The following HMGCL variants were observed in gnomAD, a reference collection of about 807,000 sequenced individuals.
HMGCL encodes the protein hydroxymethylglutaryl-CoA lyase, mitochondrial.
Under a neutral mutation model 37.3 loss-of-function variants are expected in HMGCL, and 26 were observed. The ratio of observed to expected loss-of-function variants is 0.70; its 90% CI spans 0.51 to 0.97. The LOEUF (loss-of-function observed/expected upper bound fraction) is 0.97. HMGCL is among the 50% of genes least tolerant of loss of function. The pLI is 0.00. For missense variants in HMGCL, 379 were observed against 398.1 expected, an observed-to-expected ratio of 0.95 and a Z score of 0.41; for synonymous variants, 151 against 148.0, an observed-to-expected ratio of 1.02 and a Z score of -0.15.
chr1:23,815,023 C>T (rs564613028), intron 4 of HMGCL, among the ~76,000 whole-genome samples: 1 of 151,938 alleles, frequency 6.6e-6, no homozygotes, highest in African/African-American at 2.4e-5. Flanking sequence ...CTGGCTAACA[C>T]AGTGAAACCC....
intron 6 of HMGCL, chr1:23,810,152 C>T (rs556651786): frequency 6.1e-6 from 1 of 163,784 alleles, no homozygotes; most frequent in Non-Finnish European, 1.4e-5. Context: ...CTGGATGCCA[C>T]AAAGTATCCT....
rs981741806 is a variant in HMGCL at position 23,806,859 on chromosome 1, A to G, written c.750+1276T>C. On this transcript the variant is annotated intron_variant, in intron 7 of 8. Transcript: ENST00000374490. This position sits in a 1 kb window ranked among gnomAD's most constrained non-coding sequence, Gnocchi z 4.0. Reference sequence around the variant, plus strand: ...ACAATGTGCTATTTACACGCCTGTAATCTTCCATCTGTCTTCCCCACCCAC... The same window carrying G: ...ACAATGTGCTATTTACACGCCTGTAGTCTTCCATCTGTCTTCCCCACCCAC... The G allele has an allele frequency of 4.4e-6, 2 of 451,156 alleles. No homozygotes were observed. Among genetic ancestry groups the G allele is most frequent in the Non-Finnish European group, 8.8e-6 (2 of 225,994 alleles). The allele number at this position is 451,156 out of a possible 1,614,324, so 27.9% of individuals were successfully genotyped here.
chr1:23,814,044 C>A, intron 5 of HMGCL, 146 bp downstream of exon 5: 1 of 881,340 alleles, frequency 1.1e-6, no homozygotes, highest in South Asian at 1.4e-5. Flanking sequence ...TCTGACCACA[C>A]TTATTTGGGA....
At chr1:23,820,071 C>T (rs1638684655) in intron 2 of HMGCL, among the ~76,000 whole-genome samples, 1 of 152,192 alleles carries the variant, frequency 6.6e-6, no homozygotes, top group Non-Finnish European at 1.5e-5. Context: ...TACATTTGGC[C>T]TTCGTGACTT....
chr1:23,824,770 C>A (rs750989686), intron 1 of HMGCL, among the ~76,000 whole-genome samples: 13 of 152,232 alleles, frequency 8.5e-5, no homozygotes, highest in Non-Finnish European at 1.8e-4. Flanking sequence ...TATTGGGACA[C>A]CCTAGCTTCA....
chr1:23,824,593 C>T (rs1638782029), intron 1 of HMGCL, among the ~76,000 whole-genome samples: 1 of 152,106 alleles, frequency 6.6e-6, no homozygotes, highest in Non-Finnish European at 1.5e-5. Context: ...AAAATACCAC[C>T]ACCGACTGAT....
intron 7 of HMGCL, among the ~76,000 whole-genome samples, chr1:23,805,763 C>T (rs1164944095): frequency 6.6e-6 from 1 of 152,152 alleles, no homozygotes; most frequent in Non-Finnish European, 1.5e-5. Context: ...TTAACTGCAC[C>T]CAGGTTAACA....
chr1:23,821,311 C>G (rs954333232), intron 1 of HMGCL, among the ~76,000 whole-genome samples: 4 of 150,832 alleles, frequency 2.7e-5, no homozygotes, highest in East Asian at 1.9e-4. Context: ...GAGCCAAGAT[C>G]GTGCCACTGT....
At chr1:23,813,095 G>A (rs1035174351) in intron 5 of HMGCL, among the ~76,000 whole-genome samples, 1 of 151,886 alleles carries the variant, frequency 6.6e-6, no homozygotes. Context: ...TCCCCATGTT[G>A]GCCAGGCTGG....
chr1:23,816,329 G>A, intron 4 of HMGCL: 2 of 353,242 alleles, frequency 5.7e-6, no homozygotes, highest in South Asian at 2.4e-5. Context: ...TGAAACTCTT[G>A]TGGAGAGTTT....
chr1:23,807,035 T>G (rs767364339), intron 7 of HMGCL: 1 of 518,886 alleles, frequency 1.9e-6, no homozygotes, highest in African/African-American at 1.9e-5. Context: ...CAGCTCAACC[T>G]GTTCCCTGAT....
At position 23,802,342 on chromosome 1, in the gene HMGCL, G is replaced by A; in HGVS notation, c.*121C>T. On this transcript the variant is annotated 3_prime_UTR_variant, in exon 9 of 9. Coordinates refer to ENST00000374490, the MANE Select transcript of HMGCL (RefSeq NM_000191.3). ...TTCTGCCAGGAGAGACCTCTGTGTA[G>A]AGCTGGCTATGAGGTACCTGCACCA... 1 of 773,756 alleles carries A rather than the reference G, an allele frequency of 1.3e-6. No individual in the cohort carries two copies. Among genetic ancestry groups the A allele is most frequent in the Non-Finnish European group, 2.3e-6 (1 of 430,206 alleles). The allele number at this position is 773,756 out of a possible 1,614,324, so 47.9% of individuals were successfully genotyped here. A position where few individuals can be genotyped will look rare whatever the true frequency, so the allele number is the denominator to read the frequency against.
chr1:23,808,060 G>T, intron 7 of HMGCL, 75 bp downstream of exon 7: 1 of 1,361,962 alleles, frequency 7.3e-7, no homozygotes, highest in Non-Finnish European at 1.0e-6. Flanking sequence ...GTAAATGTTT[G>T]CTGAAAGAAT....
chr1:23,815,581 C>T (rs556939024), intron 4 of HMGCL, among the ~76,000 whole-genome samples: 31 of 151,874 alleles, frequency 2.0e-4, no homozygotes, highest in African/African-American at 5.8e-4. Flanking sequence ...CTGCAACCTC[C>T]GCCTTCCGGG....
Position 23,808,129 on chromosome 1 carries a change from G to A in HMGCL, c.750+6C>T, listed in dbSNP as rs775543942. ...TTTGGGAGAATGGGCATATGCTTTT[G>A]ATTACCTGCAGGGCCATCAAGGTGT... On this transcript the variant is annotated splice_donor_region_variant and intron_variant, in intron 7 of 8. Coordinates refer to ENST00000374490, the MANE Select transcript of HMGCL (RefSeq NM_000191.3). 2 of 1,613,392 alleles carry A rather than the reference G, an allele frequency of 1.2e-6. No individual in the cohort carries two copies. The highest frequency in any genetic ancestry group is 1.1e-5 in the South Asian group (1 of 91,014).
chr1:23,820,590 T>A lies in HMGCL; in HGVS notation c.64A>T (p.Ser22Cys), dbSNP rs1233602633. The stretch of plus-strand genomic sequence containing the variant: ...GGTAAAGTGCCCATAGATGAGGTGC[T>A]GACCTTTGGTTTAAAAGAGGAAACA... ...LVGLASLRAV[S>C]TSSMGTLPKR... The change falls in exon 2 of 9, where the codon AGC (serine) becomes TGC (cysteine). Residue 22 changes from serine (S) to cysteine (C), a missense_variant. Ser to Cys is a moderately radical substitution (Grantham distance 112, BLOSUM62 -1). Transcript: ENST00000374490. The A allele has an allele frequency of 1.2e-6, 2 of 1,613,378 alleles. No individual in the cohort carries two copies. Among genetic ancestry groups the A allele is most frequent in the South Asian group, 2.2e-5 (2 of 91,072 alleles).
intron 6 of HMGCL, 73 bp from the exon 7 acceptor site, chr1:23,808,396 G>A: frequency 7.7e-7 from 1 of 1,297,524 alleles, no homozygotes. Context: ...AGAAGAGGGG[G>A]CCTTTGCCTG....
chr1:23,824,455 C>T (rs978223042), intron 1 of HMGCL, among the ~76,000 whole-genome samples: 3 of 152,330 alleles, frequency 2.0e-5, no homozygotes, highest in South Asian at 4.1e-4. Flanking sequence ...CTTCATTTTA[C>T]ACATGAGCAG....
At chr1:23,804,268 G>A (rs1638357480) in intron 8 of HMGCL, 132 bp downstream of exon 8, 17 of 1,083,512 alleles carry the variant, frequency 1.6e-5, no homozygotes, top group South Asian at 1.1e-4. Flanking sequence ...GAGCCACTGC[G>A]CCTGGCTAAC....
Sources: allele counts gnomAD v4.1 joint callset (sites outside exome capture counted in the v4.1 genomes callset), GRCh38; gene constraint gnomAD v4.1.1; non-coding constraint Gnocchi (gnomAD v3.1); transcripts MANE v1.5; gene names NCBI Gene and HGNC (gene_info 2026-07-23, HGNC 2026-07-21).